The following RBM26 variants were observed in gnomAD, a reference collection of about 807,000 sequenced individuals.
RBM26 encodes the protein RNA binding motif protein 26.
In RBM26, 30 loss-of-function variants were observed where a neutral mutation model predicts 123.6. The ratio of observed to expected loss-of-function variants is 0.24; its 90% CI spans 0.18 to 0.33. The LOEUF is 0.33. Among genes scored for constraint, RBM26 ranks in the 10% least tolerant of loss-of-function variants. RBM26 has a pLI of 1.00. For synonymous variants in RBM26, 400 were observed against 404.4 expected (o/e 0.99, Z 0.13); for missense variants, 947 against 1,203.6 (o/e 0.79, Z 3.15).
chr13:79,373,452 TAAATATATATAA>T (rs2076275134), intron 3 of RBM26, among the ~76,000 whole-genome samples: 2 of 83,906 alleles, frequency 2.4e-5, no homozygotes, highest in Non-Finnish European at 4.2e-5. Flanking sequence ...ATATTATATA[TAAATATATATAA>T]TATGTATAAA....
chr13:79,369,676 GACA>G (rs1277358026), intron 5 of RBM26, among the ~76,000 whole-genome samples: 3 of 152,232 alleles, frequency 2.0e-5, no homozygotes, highest in African/African-American at 7.2e-5. Context: ...GGTGTTTTAC[GACA>G]ACATCTTACT....
At chr13:79,371,704 C>T (rs1042644050) in intron 4 of RBM26, 138 bp downstream of exon 4, 4 of 623,440 alleles carry the variant, frequency 6.4e-6, no homozygotes, top group Admixed American at 2.9e-5. Context: ...ATGGTAGAAA[C>T]GGACCTAGTT....
intron 20 of RBM26, among the ~76,000 whole-genome samples, chr13:79,323,037 G>A (rs1039327979): frequency 2.0e-5 from 3 of 151,116 alleles, no homozygotes; most frequent in Admixed American, 1.3e-4. Context: ...CAAAATATAA[G>A]TGTCTCAATG....
intron 14 of RBM26, among the ~76,000 whole-genome samples, chr13:79,351,369 T>A (rs2073181440): frequency 1.3e-5 from 2 of 152,298 alleles, no homozygotes; most frequent in South Asian, 4.1e-4. Flanking sequence ...TATGTAATAA[T>A]CAAAATCTAT....
At chr13:79,355,455 G>C in intron 11 of RBM26, 71 bp from the exon 12 acceptor site, 1 of 1,227,424 alleles carries the variant, frequency 8.1e-7, no homozygotes, top group South Asian at 1.3e-5. Flanking sequence ...AAATTCCCCA[G>C]TAAGTGAAAT....
At chr13:79,395,464 A>G (rs550740499) in intron 1 of RBM26, among the ~76,000 whole-genome samples, 1 of 152,290 alleles carries the variant, frequency 6.6e-6, no homozygotes, top group African/African-American at 2.4e-5. Flanking sequence ...ACTTGAAAAC[A>G]GGAAGAGGTT....
chr13:79,355,457 A>ATTTC, intron 11 of RBM26, 73 bp from the exon 12 acceptor site: 4 of 1,170,050 alleles, frequency 3.4e-6, no homozygotes, highest in Non-Finnish European at 4.9e-6. Flanking sequence ...ATTCCCCAGT[A>ATTTC]AGTGAAATAC....
chr13:79,365,379 G>A (rs934805103), intron 9 of RBM26, among the ~76,000 whole-genome samples, 199 bp downstream of exon 9: 1 of 152,132 alleles, frequency 6.6e-6, no homozygotes, highest in Non-Finnish European at 1.5e-5. Flanking sequence ...GGAGGCAAAG[G>A]TTAGAGTGAG....
chr13:79,405,811 CG>C lies in RBM26; in HGVS notation c.-38del. On this transcript the variant is annotated 5_prime_UTR_variant, in exon 1 of 22. Transcript: ENST00000438737. ...CTAAGGCCCGTCACACTCCTCCGCC[CG>C]CCCAGGTCGCGGCCGCTACAGCCGC... 7.2e-7 allele frequency: 1 copy of C among 1,383,220 alleles called. No individual in the cohort carries two copies. The highest frequency in any genetic ancestry group is 9.8e-7 in the Non-Finnish European group (1 of 1,022,164). 85.7% of individuals were successfully genotyped at this position (1,383,220 alleles called of 1,614,324 possible). A position where few individuals can be genotyped will look rare whatever the true frequency, so the allele number is the denominator to read the frequency against.
downstream of RBM26, among the ~76,000 whole-genome samples, chr13:79,316,264 T>C (rs920636839): frequency 6.7e-6 from 1 of 149,140 alleles, no homozygotes; most frequent in African/African-American, 2.5e-5. Context: ...ATATAAATTC[T>C]AGAAGAACTA....
At chr13:79,322,274 G>A (rs151007243) in intron 21 of RBM26, 75 bp downstream of exon 21, 66 of 923,102 alleles carry the variant, frequency 7.1e-5, no homozygotes, top group East Asian at 5.0e-4. Flanking sequence ...TTAAAATCAC[G>A]GCCATAAAAA....
In RBM26 at chr13:79,341,115, A is replaced by T. The variant is rs1270421811; in HGVS notation, c.2532+8T>A. On this transcript the variant is annotated splice_region_variant and intron_variant, in intron 18 of 21. Coordinates refer to ENST00000438737, the MANE Select transcript of RBM26 (RefSeq NM_001366735.2). ...TTAAGCCTACTGTGTAGTTGTGATT[A>T]AACATACTTCCAGCTGTAATTCTGT... 1 of 1,554,666 alleles carries T rather than the reference A, an allele frequency of 6.4e-7. No individual in the cohort carries two copies. Among genetic ancestry groups the T allele is most frequent in the Non-Finnish European group, 8.9e-7 (1 of 1,129,838 alleles).
downstream of RBM26, chr13:79,318,744 T>C: frequency 5.2e-6 from 5 of 964,534 alleles, no homozygotes; most frequent in South Asian, 4.8e-5. Context: ...GGCTAAAACA[T>C]ACTAATCAAA....
At chr13:79,315,035 C>G, downstream of RBM26, 1 of 1,173,916 alleles carries the variant, frequency 8.5e-7, no homozygotes. Flanking sequence ...TTGAAAATAG[C>G]AAATAAATCT....
chr13:79,382,781 T>C (rs2077166437), intron 1 of RBM26, among the ~76,000 whole-genome samples: 1 of 152,030 alleles, frequency 6.6e-6, no homozygotes, highest in South Asian at 2.1e-4. Flanking sequence ...GAAAGAGTGC[T>C]GCTCTCCTAT....
intron 18 of RBM26, among the ~76,000 whole-genome samples, chr13:79,339,057 G>A (rs567110877): frequency 6.6e-6 from 1 of 152,288 alleles, no homozygotes; most frequent in African/African-American, 2.4e-5. Flanking sequence ...ATCTCTGCTA[G>A]TACAGGTATT....
chr13:79,405,124 G>A (rs1192201802), intron 1 of RBM26, among the ~76,000 whole-genome samples: 2 of 152,196 alleles, frequency 1.3e-5, no homozygotes, highest in Non-Finnish European at 2.9e-5. Context: ...TATTCCATAT[G>A]GATGAAGATT....
At chr13:79,371,342 T>G (rs1163597618) in intron 4 of RBM26, among the ~76,000 whole-genome samples, 180 bp from the exon 5 acceptor site, 1 of 152,188 alleles carries the variant, frequency 6.6e-6, no homozygotes, top group African/African-American at 2.4e-5. Flanking sequence ...AAAAACAATC[T>G]TTTTAAAGCC....
At chr13:79,376,521 C>G (rs1003121378) in intron 3 of RBM26, 1 of 152,104 alleles carries the variant, frequency 6.6e-6, no homozygotes, top group Non-Finnish European at 1.5e-5. Flanking sequence ...AATCTTTTAA[C>G]ATCAAATTGA....
Sources: gnomAD v4.1 joint callset for allele counts (sites outside exome capture counted in the v4.1 genomes callset) on GRCh38, gnomAD v4.1.1 for gene constraint, MANE v1.5 for transcripts, NCBI Gene and HGNC (gene_info 2026-07-23, HGNC 2026-07-21) for gene names.